The following FSTL4 variants were observed in gnomAD, a reference collection of about 807,000 sequenced individuals.
FSTL4 encodes follistatin like 4.
Under a neutral mutation model 78.2 loss-of-function variants are expected in FSTL4, and 28 were observed. The ratio of observed to expected loss-of-function variants is 0.36; its 90% CI spans 0.27 to 0.49. FSTL4 has a LOEUF of 0.49. Among genes scored for constraint, FSTL4 ranks in the 20% least tolerant of loss-of-function variants. The pLI is 0.98. For missense variants in FSTL4, 922 were observed against 1,084.9 expected (o/e 0.85, Z 2.11); for synonymous variants, 422 against 440.5 (o/e 0.96, Z 0.53).
intron 8 of FSTL4, among the ~76,000 whole-genome samples, chr5:133,231,624 A>C: frequency 6.6e-6 from 1 of 151,864 alleles, no homozygotes; most frequent in African/African-American, 2.4e-5. Context: ...CTCATTGCAA[A>C]CTTCACCTCT....
chr5:133,207,145 A>G (rs1391632363), intron 14 of FSTL4, among the ~76,000 whole-genome samples: 2 of 152,132 alleles, frequency 1.3e-5, no homozygotes, highest in African/African-American at 2.4e-5. Flanking sequence ...AAGGCTTTCT[A>G]TGTTTTTATT....
intron 6 of FSTL4, among the ~76,000 whole-genome samples, chr5:133,302,584 G>A (rs895501848): frequency 7.9e-5 from 12 of 152,154 alleles, no homozygotes; most frequent in South Asian, 2.1e-4. Context: ...GCACTGTCCC[G>A]TGGAAGGCCA....
At chr5:133,309,131 A>G (rs1753719461) in intron 6 of FSTL4, among the ~76,000 whole-genome samples, 2 of 152,080 alleles carry the variant, frequency 1.3e-5, no homozygotes, top group Non-Finnish European at 2.9e-5. Flanking sequence ...AGGTTAATTT[A>G]CTGTGATGAA....
At chr5:133,317,038 G>T (rs756386819) in intron 4 of FSTL4, among the ~76,000 whole-genome samples, 19 of 152,060 alleles carry the variant, frequency 1.2e-4, no homozygotes, top group Non-Finnish European at 2.5e-4. Flanking sequence ...GTAATCACTG[G>T]TTTTTGCCTT....
chr5:133,670,889 T>C, the FSTL4 span, among the ~76,000 whole-genome samples: 4 of 150,946 alleles, frequency 2.6e-5, no homozygotes, highest in Admixed American at 1.3e-4. Context: ...TCCAATTCCA[T>C]ATCTACACCT....
rs143562704 is a variant in FSTL4, at chr5:133,285,181, T to C, written c.727+27473A>G. Among the ~76,000 whole-genome samples, 52 of 152,358 alleles carry C rather than the reference T, an allele frequency of 3.4e-4. No homozygotes were observed. The East Asian group carries it at 9.6e-3, about 28-fold the overall frequency. ...GAGATTTGCACAAAGTTTATTTGTCTTCTGATTATAAATGGGCAGGGCACT... is the reference window on the plus strand; with the variant it reads ...GAGATTTGCACAAAGTTTATTTGTCCTCTGATTATAAATGGGCAGGGCACT... On this transcript the variant is annotated intron_variant, in intron 6 of 15. Transcript: ENST00000265342.
chr5:133,275,266 A>C (rs1337347737), intron 6 of FSTL4, among the ~76,000 whole-genome samples: 2 of 144,596 alleles, frequency 1.4e-5, no homozygotes, highest in East Asian at 2.1e-4. Context: ...TCTGTTATGA[A>C]GTTCAAAATG....
At chr5:133,537,334 T>C (rs529855348) in intron 3 of FSTL4, among the ~76,000 whole-genome samples, 12 of 152,346 alleles carry the variant, frequency 7.9e-5, no homozygotes, top group Admixed American at 3.9e-4. Flanking sequence ...ATTTTAGTTA[T>C]ATTCATTCTT....
chr5:133,448,956 C>T (rs543429924), intron 3 of FSTL4, among the ~76,000 whole-genome samples: 35 of 152,218 alleles, frequency 2.3e-4, no homozygotes, highest in Admixed American at 3.3e-4. Context: ...CTAATTTATA[C>T]TGGGGAGGTA....
chr5:133,646,381 A>T, the FSTL4 span, among the ~76,000 whole-genome samples: 1 of 152,158 alleles, frequency 6.6e-6, no homozygotes, highest in Non-Finnish European at 1.5e-5. Context: ...GAGGTCAGAG[A>T]GGTAAGCAGG....
intron 4 of FSTL4, among the ~76,000 whole-genome samples, chr5:133,359,531 G>C (rs943777763): frequency 6.6e-6 from 1 of 152,236 alleles, no homozygotes; most frequent in Non-Finnish European, 1.5e-5. Flanking sequence ...GCAGGGCAGT[G>C]ATGGGGGGAC....
upstream of FSTL4, among the ~76,000 whole-genome samples, chr5:133,614,785 A>C (rs1170579586): frequency 6.6e-6 from 1 of 152,204 alleles, no homozygotes; most frequent in African/African-American, 2.4e-5. Flanking sequence ...TAATTCAATA[A>C]GCTTGGAATA....
intron 6 of FSTL4, among the ~76,000 whole-genome samples, chr5:133,288,833 C>T (rs1753193795): frequency 1.3e-5 from 2 of 152,144 alleles, no homozygotes; most frequent in African/African-American, 4.8e-5. Flanking sequence ...AAGCATCACT[C>T]CATTTTTCTG....
intron 3 of FSTL4, among the ~76,000 whole-genome samples, chr5:133,540,718 G>C (rs1382489135): frequency 3.1e-5 from 2 of 64,088 alleles, no homozygotes; most frequent in Non-Finnish European, 5.7e-5. Context: ...TTTTAACATA[G>C]GCAAAAAAAA....
chr5:133,368,837 C>T (rs1483530649), intron 4 of FSTL4, among the ~76,000 whole-genome samples: 2 of 152,202 alleles, frequency 1.3e-5, no homozygotes, highest in Non-Finnish European at 2.9e-5. Context: ...CCTCTTTGTC[C>T]CCCAACTGTG....
At chr5:133,747,911 C>T in the FSTL4 span, among the ~76,000 whole-genome samples, 4 of 152,140 alleles carry the variant, frequency 2.6e-5, no homozygotes. Context: ...AAAACCCAAA[C>T]CCAGGCTGGG....
rs1173835923 is a variant in FSTL4 at position 133,358,591 on chromosome 5, CTTTTTTT to C, written c.410-41946_410-41940del. 2.5e-4 allele frequency among the ~76,000 whole-genome samples: 29 copies of C among 115,412 alleles called. No individual in the cohort carries two copies. The South Asian group carries it at 3.5e-3, about 14-fold the overall frequency. The allele number at this position is 115,412 out of a possible 152,430, so 75.7% of individuals were successfully genotyped here. On this transcript the variant is annotated intron_variant, in intron 4 of 15. Transcript: ENST00000265342. ...GCCCATCCCAGCCAGGGTTCTATTTCTTTTTTTTTTTTTTTTTTTTTTGAGGCGGAGT... is the reference window on the plus strand; with the variant it reads ...GCCCATCCCAGCCAGGGTTCTATTTCTTTTTTTTTTTTTTTGAGGCGGAGT...
At chr5:133,233,291 G>T (rs1435741246) in intron 8 of FSTL4, 126 bp downstream of exon 8, 20 of 1,056,402 alleles carry the variant, frequency 1.9e-5, no homozygotes, top group Non-Finnish European at 2.7e-5. Context: ...ACTTATAAGA[G>T]AGATGATATA....
intron 3 of FSTL4, among the ~76,000 whole-genome samples, chr5:133,439,154 C>A (rs2127001691): frequency 6.6e-6 from 1 of 152,338 alleles, no homozygotes; most frequent in African/African-American, 2.4e-5. Context: ...TTGCTAACAT[C>A]TAAGCAGTTT....
Sources: gnomAD v4.1 joint callset for allele counts (sites outside exome capture counted in the v4.1 genomes callset) on GRCh38, gnomAD v4.1.1 for gene constraint, MANE v1.5 for transcripts, NCBI Gene and HGNC (gene_info 2026-07-23, HGNC 2026-07-21) for gene names.